Variants in EMC1 observed in about 807,000 individuals in gnomAD.
The protein encoded by EMC1 is KIAA0090.
A neutral mutation model predicts 128.8 loss-of-function variants in EMC1; 103 were observed. That is an observed-to-expected ratio of 0.80 (90% CI 0.68 to 0.94). The LOEUF (loss-of-function observed/expected upper bound fraction) is 0.94. EMC1 is among the 40% of genes least tolerant of loss of function. The probability of loss-of-function intolerance (pLI) is 0.00; values close to 1 mark genes in which losing one functional copy is unlikely to be tolerated. For synonymous variants in EMC1, 442 were observed against 490.4 expected, an observed-to-expected ratio of 0.90 and a Z score of 1.30; for missense variants, 1,083 against 1,250.6, an observed-to-expected ratio of 0.87 and a Z score of 2.02.
rs201459490 is a variant in EMC1, at chr1:19,220,794, C to T, written c.2642G>A (p.Arg881His). Residue 881 changes from arginine to histidine, a missense_variant, in exon 21 of 23, where the codon CGC becomes CAC. By Grantham distance (29) the Arg-to-His change is conservative. Transcript: ENST00000477853. Reference protein sequence around the residue: ...LSLPKALLDPRRPEIPTEQSR... With the variant: ...LSLPKALLDPHRPEIPTEQSR... ...TTGTTCTGTTGGGATCTCGGGGCGG[C>T]GGGGATCCAGCAAAGCCTTAGGAAG... is the stretch of plus-strand genomic sequence containing the variant. 1.1e-5 allele frequency: 17 copies of T among 1,612,840 alleles called. No individual in the cohort carries two copies. The highest frequency in any genetic ancestry group is 8.0e-5 in the African/African-American group (6 of 74,652).
chr1:19,227,990 G>A (rs2093489387), intron 17 of EMC1, among the ~76,000 whole-genome samples: 1 of 152,204 alleles, frequency 6.6e-6, no homozygotes, highest in Non-Finnish European at 1.5e-5. Context: ...TGGATCACCT[G>A]AGGTCGGGAG....
intron 19 of EMC1, 97 bp downstream of exon 19, chr1:19,223,299 C>A (rs899363490): frequency 1.6e-5 from 18 of 1,160,948 alleles, no homozygotes; most frequent in South Asian, 2.9e-5. Flanking sequence ...AATTTGAGAT[C>A]CTAAGAAAAC....
chr1:19,248,992 A>G (rs2093644610), intron 1 of EMC1, among the ~76,000 whole-genome samples: 1 of 152,148 alleles, frequency 6.6e-6, no homozygotes. Context: ...CAGGAGTTCA[A>G]TATCTGCCTG....
At chr1:19,244,282 A>C (rs2093621552) in intron 2 of EMC1, among the ~76,000 whole-genome samples, 1 of 152,186 alleles carries the variant, frequency 6.6e-6, no homozygotes, top group African/African-American at 2.4e-5. Context: ...AATCCATCCA[A>C]TTCACAAGAA....
rs946589384 is a variant in EMC1, at chr1:19,219,158, G to A, written c.*145C>T. On this transcript the variant is annotated 3_prime_UTR_variant, in exon 23 of 23. Coordinates refer to ENST00000477853, the MANE Select transcript of EMC1 (RefSeq NM_015047.3). ...TCATGTATATCCCAAAAGGAGTTCT[G>A]CGTGAAGGTCATCCATCTTCCCTAC... 5.5e-6 allele frequency: 4 copies of A among 727,156 alleles called. No individual in the cohort carries two copies. Among genetic ancestry groups the A allele is most frequent in the Non-Finnish European group, 4.6e-6 (2 of 436,630 alleles). 45.0% of individuals were successfully genotyped at this position (727,156 alleles called of 1,614,324 possible).
intron 18 of EMC1, among the ~76,000 whole-genome samples, chr1:19,226,620 T>C (rs115144011): frequency 0.04 from 6,094 of 151,994 alleles, 395 homozygotes; most frequent in African/African-American, 0.14. Context: ...AGCGGCACAA[T>C]TGCAGCTCAC....
chr1:19,236,516 C>T (rs2093565051), intron 12 of EMC1, among the ~76,000 whole-genome samples: 2 of 148,616 alleles, frequency 1.3e-5, no homozygotes, highest in East Asian at 2.0e-4. Flanking sequence ...ATTAGCCAGG[C>T]GTGGTGGTGC....
intron 11 of EMC1, 52 bp downstream of exon 11, chr1:19,237,965 C>A (rs2093578312): frequency 1.3e-6 from 2 of 1,595,224 alleles, no homozygotes; most frequent in Admixed American, 1.7e-5. Context: ...GGAAAGGAAG[C>A]CATGTGCTGA....
chr1:19,234,164 A>G, intron 13 of EMC1: 1 of 985,210 alleles, frequency 1.0e-6, no homozygotes, highest in Non-Finnish European at 1.2e-6. Context: ...ACAAGGCAGC[A>G]AGAAGCAGGT....
chr1:19,240,407 C>T lies in EMC1; in HGVS notation c.676G>A (p.Ala226Thr), dbSNP rs760381109. 1.1e-5 allele frequency: 17 copies of T among 1,614,100 alleles called. No homozygotes were observed. The highest frequency in any genetic ancestry group is 1.7e-5 in the Admixed American group (1 of 59,998). Residue 226 changes from alanine to threonine, a missense_variant, in exon 7 of 23, where the codon GCC becomes ACC. Around this residue, in one of 3 missense-constraint regions of EMC1, gnomAD observed 544 missense variants for 572.4 expected, o/e 0.95. Transcript: ENST00000477853. Reference sequence around the variant, plus strand: ...ACAGCCTCATCCACCACACCACAGGCTCCAGACAGGTGCTGCAGCCACGGA... The same window carrying T: ...ACAGCCTCATCCACCACACCACAGGTTCCAGACAGGTGCTGCAGCCACGGA... ...STPWLQHLSG[A>T]CGVVDEAVLV...
chr1:19,233,158 T>G (rs1474997266), intron 13 of EMC1, 23 bp from the exon 14 acceptor site: 2 of 1,601,626 alleles, frequency 1.2e-6, no homozygotes, highest in Admixed American at 3.4e-5. Flanking sequence ...AAAAGTAACA[T>G]ACTCTACATC....
chr1:19,237,212 C>G lies in EMC1; in HGVS notation c.1239G>C (p.Lys413Asn). The G allele has an allele frequency of 6.2e-7, 1 of 1,614,044 alleles. No homozygotes were observed. The highest frequency in any genetic ancestry group is 8.5e-7 in the Non-Finnish European group (1 of 1,179,950). ...AAGCCCGGTAGCCCACTGAGTCATC[C>G]TTCTTCAAGAACACCTGGATATACA... ...ERLYIQVFLK[K>N]DDSVGYRALV... Residue 413 changes from lysine (K) to asparagine (N), a missense_variant, in exon 12 of 23, where the codon AAG (lysine) becomes AAC (asparagine). Physicochemically the swap from Lys to Asn is moderately conservative, Grantham distance 94 (BLOSUM62 0). Around this residue, in one of 3 missense-constraint regions of EMC1, gnomAD observed 544 missense variants for 572.4 expected, o/e 0.95. Coordinates refer to ENST00000477853, the MANE Select transcript of EMC1 (RefSeq NM_015047.3).
Position 19,238,075 on chromosome 1 carries a change from C to A in EMC1, c.1154G>T (p.Arg385Leu), listed in dbSNP as rs773121209. 1.2e-6 allele frequency: 2 copies of A among 1,614,116 alleles called. No individual in the cohort carries two copies. Among genetic ancestry groups the A allele is most frequent in the Middle Eastern group, 1.6e-4 (1 of 6,062 alleles). The change falls in exon 11 of 23, where the codon CGG (arginine) becomes CTG (leucine). Residue 385 changes from arginine (R) to leucine (L), a missense_variant. This residue lies in a region of EMC1 where 544 missense variants were observed against 572.4 expected (regional missense o/e 0.95). Transcript: ENST00000477853. ...INLYLVETGRRLLDTTITFSL... is the reference protein window; with the variant it reads ...INLYLVETGRLLLDTTITFSL... ...AAATGTTATCGTGGTGTCCAGCAGC[C>A]GCCGACCTGTCTCCACGAGGTATAG...
intron 1 of EMC1, among the ~76,000 whole-genome samples, chr1:19,250,788 A>C (rs1200774963): frequency 6.6e-6 from 1 of 152,214 alleles, no homozygotes; most frequent in African/African-American, 2.4e-5. Context: ...TGGTTAAGTC[A>C]CTTTCCCCAA....
rs1558111133 is a variant in EMC1, at chr1:19,242,338, G to A, written c.509+7C>T. The A allele has an allele frequency of 6.2e-7, 1 of 1,614,176 alleles. No individual in the cohort carries two copies. Among genetic ancestry groups the A allele is most frequent in the African/African-American group, 1.3e-5 (1 of 75,076 alleles). ...GGCAGCTATTGCCTGTGAGCAGGCA[G>A]CCTTACCTTTCTGGGAGATGTTCCA... On this transcript the variant is annotated splice_region_variant and intron_variant, in intron 5 of 22. Coordinates refer to ENST00000477853, the MANE Select transcript of EMC1 (RefSeq NM_015047.3).
In EMC1 at chr1:19,240,764, C is replaced by T. The variant is rs111632147; in HGVS notation, c.636+252G>A. 3.2e-3 allele frequency: 1,859 copies of T among 576,820 alleles called. 26 individuals carry two copies. The highest frequency in any genetic ancestry group is 0.031 in the African/African-American group (1,655 of 53,748). The allele number at this position is 576,820 out of a possible 1,614,324, so 35.7% of individuals were successfully genotyped here. A position where few individuals can be genotyped will look rare whatever the true frequency, so the allele number is the denominator to read the frequency against. ...TATGTGGTGTCCTACTGTGATTTCA[C>T]AGCACTGTAAGATACTTACAGGCAG... is the stretch of plus-strand genomic sequence containing the variant. On this transcript the variant is annotated intron_variant, in intron 6 of 22. Coordinates refer to ENST00000477853, the MANE Select transcript of EMC1 (RefSeq NM_015047.3).
chr1:19,231,550 A>T, intron 15 of EMC1, 128 bp from the exon 16 acceptor site: 2 of 999,856 alleles, frequency 2.0e-6, no homozygotes, highest in South Asian at 1.6e-5. Flanking sequence ...CTTTGTGGAA[A>T]ATAAGTTCTT....
rs2151939071 is a variant in EMC1 at position 19,223,465 on chromosome 1, G to A, written c.2307C>T (p.Ile769=). The A allele has an allele frequency of 1.2e-6, 2 of 1,614,206 alleles. No homozygotes were observed. Among genetic ancestry groups the A allele is most frequent in the Middle Eastern group, 1.6e-4 (1 of 6,062 alleles). The part of the protein sequence containing the change: ...IFLIDGVTGR[I]IHSSVQKKAK... ...CTTTCTTCTGCACAGAGGAGTGAATGATACGCCCAGTGACGCCATCAATGA... is the reference window on the plus strand; with the variant it reads ...CTTTCTTCTGCACAGAGGAGTGAATAATACGCCCAGTGACGCCATCAATGA... The change falls in exon 19 of 23, where the codon ATC becomes ATT. Residue 769 remains isoleucine (I), a synonymous_variant. Coordinates refer to ENST00000477853, the MANE Select transcript of EMC1 (RefSeq NM_015047.3).
At chr1:19,228,231 A>T (rs2093492413) in intron 17 of EMC1, among the ~76,000 whole-genome samples, 1 of 151,950 alleles carries the variant, frequency 6.6e-6, no homozygotes, top group Non-Finnish European at 1.5e-5. Flanking sequence ...AAGATAATAA[A>T]GCCAGTAGGA....
Sources: gnomAD v4.1 joint callset for allele counts (sites outside exome capture counted in the v4.1 genomes callset) on GRCh38, gnomAD v4.1.1 for gene constraint, gnomAD v4.1.1 regional missense constraint, MANE v1.5 for transcripts, NCBI Gene and HGNC (gene_info 2026-07-23, HGNC 2026-07-21) for gene names.